Variants in PRKCH observed in about 807,000 individuals in gnomAD.
The protein encoded by PRKCH is protein kinase C eta, also known as protein kinase C eta type.
PRKCH carries 28 observed loss-of-function variants against 82.5 expected under a neutral mutation model. The ratio of observed to expected loss-of-function variants is 0.34; its 90% CI spans 0.25 to 0.47. The LOEUF (loss-of-function observed/expected upper bound fraction) is 0.47, where lower values mean the gene tolerates loss of function less well. PRKCH is among the 20% of genes least tolerant of loss of function. The probability of loss-of-function intolerance (pLI) is 1.00; values close to 1 mark genes in which losing one functional copy is unlikely to be tolerated. For missense variants in PRKCH, 705 were observed against 881.8 expected, an observed-to-expected ratio of 0.80 and a Z score of 2.54; for synonymous variants, 322 against 327.4, an observed-to-expected ratio of 0.98 and a Z score of 0.18.
At chr14:61,262,219 T>TAAAAAAAAAAAAAAACAAAAA (rs1297799647) in intron 1 of PRKCH, among the ~76,000 whole-genome samples, 1 of 106,614 alleles carries the variant, frequency 9.4e-6, no homozygotes, top group Non-Finnish European at 1.8e-5. Flanking sequence ...AGACTCTGTA[T>TAAAAAAAAAAAAAAACAAAAA]AAAAAAAAAA....
At chr14:61,377,730 A>G (rs546861187) in intron 1 of PRKCH, among the ~76,000 whole-genome samples, 1 of 152,270 alleles carries the variant, frequency 6.6e-6, no homozygotes, top group East Asian at 1.9e-4. Flanking sequence ...CCAGGCCCCA[A>G]ACTCCATACT....
At chr14:61,434,557 T>C (rs1034865824) in intron 2 of PRKCH, among the ~76,000 whole-genome samples, 2 of 152,176 alleles carry the variant, frequency 1.3e-5, no homozygotes, top group Non-Finnish European at 2.9e-5. Flanking sequence ...AGCAAGAGAA[T>C]AGGAATTCTG....
At chr14:61,247,066 G>A (rs1045621654) in intron 1 of PRKCH, among the ~76,000 whole-genome samples, 11 of 152,262 alleles carry the variant, frequency 7.2e-5, no homozygotes, top group Non-Finnish European at 1.3e-4. Context: ...CCTGCATCAC[G>A]TTGAAATGCC....
At chr14:61,216,421 G>A (rs1173711529) in intron 1 of PRKCH, among the ~76,000 whole-genome samples, 1 of 151,696 alleles carries the variant, frequency 6.6e-6, no homozygotes, top group Non-Finnish European at 1.5e-5. Flanking sequence ...AGTCAGCTGA[G>A]ATTGGGCCAC....
At chr14:61,315,400 G>C (rs868439612) in intron 1 of PRKCH, among the ~76,000 whole-genome samples, 1 of 152,030 alleles carries the variant, frequency 6.6e-6, no homozygotes. Flanking sequence ...TTCAACTCTC[G>C]GTTTCCTTAT....
chr14:61,348,368 A>G (rs1023313198), intron 1 of PRKCH, among the ~76,000 whole-genome samples: 3 of 152,202 alleles, frequency 2.0e-5, no homozygotes, highest in Non-Finnish European at 4.4e-5. Flanking sequence ...ACCATGAGCC[A>G]TTTGAACCGT....
chr14:61,343,452 G>T (rs2045954362), intron 1 of PRKCH, among the ~76,000 whole-genome samples: 1 of 151,568 alleles, frequency 6.6e-6, no homozygotes, highest in African/African-American at 2.4e-5. Context: ...ACTATAAAAG[G>T]ACTGGACTCT....
chr14:61,400,459 G>A (rs985301877), intron 2 of PRKCH, among the ~76,000 whole-genome samples: 4 of 152,304 alleles, frequency 2.6e-5, no homozygotes, highest in Non-Finnish European at 5.9e-5. Context: ...GCTGGTCTAA[G>A]CAATTGTGGC....
chr14:61,400,113 C>T (rs760288554), intron 2 of PRKCH, among the ~76,000 whole-genome samples: 2 of 152,170 alleles, frequency 1.3e-5, no homozygotes, highest in African/African-American at 2.4e-5. Context: ...GTTTTTAGCT[C>T]ACATTTCTTG....
chr14:61,254,078 T>C (rs900936005), intron 1 of PRKCH, among the ~76,000 whole-genome samples: 8 of 148,096 alleles, frequency 5.4e-5, no homozygotes, highest in African/African-American at 2.0e-4. Flanking sequence ...CGAAACTCTA[T>C]GCGAGACATT....
intron 1 of PRKCH, chr14:61,279,282 A>C (rs2045234605): frequency 6.6e-6 from 1 of 152,228 alleles, no homozygotes; most frequent in African/African-American, 2.4e-5. Flanking sequence ...TAATTTTTTA[A>C]AAATTCATTC....
chr14:61,306,870 C>A (rs886744233), intron 1 of PRKCH: 4 of 152,040 alleles, frequency 2.6e-5, no homozygotes, highest in Admixed American at 1.3e-4. Context: ...ATTAACATTT[C>A]TAAATTATAA....
At chr14:61,209,643 G>A (rs1282753276) in intron 1 of PRKCH, among the ~76,000 whole-genome samples, 1 of 152,068 alleles carries the variant, frequency 6.6e-6, no homozygotes, top group African/African-American at 2.4e-5. Context: ...CCAAACTCAG[G>A]GTGCCATAAG....
chr14:61,279,202 C>G (rs576171061), intron 1 of PRKCH: 1 of 152,324 alleles, frequency 6.6e-6, no homozygotes, highest in South Asian at 2.1e-4. Flanking sequence ...CACCAAAATA[C>G]TAAAATATCA....
At chr14:61,203,094 C>G (rs191608467) in intron 1 of PRKCH, among the ~76,000 whole-genome samples, 2 of 152,180 alleles carry the variant, frequency 1.3e-5, no homozygotes, top group East Asian at 3.9e-4. Flanking sequence ...TTCCCTCTTA[C>G]CCACGAAGTG....
chr14:61,261,406 A>G (rs2045042668), intron 1 of PRKCH, among the ~76,000 whole-genome samples: 1 of 152,192 alleles, frequency 6.6e-6, no homozygotes, highest in African/African-American at 2.4e-5. Context: ...AGCCAATGGA[A>G]GGCAATTAAT....
intron 2 of PRKCH, among the ~76,000 whole-genome samples, chr14:61,437,552 T>G (rs1883735974): frequency 6.6e-6 from 1 of 152,206 alleles, no homozygotes; most frequent in African/African-American, 2.4e-5. Flanking sequence ...TGTCCTCACT[T>G]CTGTCATTGG....
chr14:61,430,602 A>T (rs1327349541), intron 2 of PRKCH, among the ~76,000 whole-genome samples: 2 of 152,100 alleles, frequency 1.3e-5, no homozygotes, highest in Non-Finnish European at 2.9e-5. Context: ...GGGGCAGGAG[A>T]GGCCCCCCTC....
In PRKCH at chr14:61,322,370, C is replaced by T. The variant is rs760717622; in HGVS notation, c.269C>T (p.Thr90Met). 1.2e-6 allele frequency: 2 copies of T among 1,613,324 alleles called. No individual in the cohort carries two copies. Among genetic ancestry groups the T allele is most frequent in the East Asian group, 2.2e-5 (1 of 44,790 alleles). Residue 90 changes from threonine to methionine, a missense_variant, in exon 1 of 14, where the codon ACG becomes ATG. Coordinates refer to ENST00000332981, the MANE Select transcript of PRKCH (RefSeq NM_006255.5). The stretch of plus-strand genomic sequence containing the variant: ...CTCGAGTTGGCCGTCTTCCACGAGA[C>T]GCCCCTGGGCTACGACCACTTCGTG... ...GHLELAVFHE[T>M]PLGYDHFVAN...
Sources: gnomAD v4.1 joint callset for allele counts (sites outside exome capture counted in the v4.1 genomes callset) on GRCh38, gnomAD v4.1.1 for gene constraint, MANE v1.5 for transcripts, NCBI Gene and HGNC (gene_info 2026-07-23, HGNC 2026-07-21) for gene names.